Variants in NALF1 observed in about 807,000 individuals in gnomAD.
The protein encoded by NALF1 is family with sequence similarity 155 member A.
In NALF1, 3 loss-of-function variants were observed where a neutral mutation model predicts 48.4. That is an observed-to-expected ratio of 0.06 (90% CI 0.03 to 0.16). The LOEUF (loss-of-function observed/expected upper bound fraction) is 0.16. NALF1 is among the 10% of genes least tolerant of loss of function. The pLI is 1.00. For synonymous variants in NALF1, 262 were observed against 245.7 expected (o/e 1.07, Z -0.62); for missense variants, 526 against 571.5 (o/e 0.92, Z 0.81).
chr13:107,670,074 G>A (rs1880954515), intron 1 of NALF1, among the ~76,000 whole-genome samples: 1 of 152,052 alleles, frequency 6.6e-6, no homozygotes, highest in Non-Finnish European at 1.5e-5. Flanking sequence ...CTGTTGCAGT[G>A]ATATGTTTAT....
At chr13:107,635,630 C>G (rs1276832137) in intron 1 of NALF1, among the ~76,000 whole-genome samples, 2 of 152,156 alleles carry the variant, frequency 1.3e-5, no homozygotes, top group African/African-American at 2.4e-5. Flanking sequence ...CTTAGCCTTT[C>G]TAAACTTCAA....
chr13:107,506,628 T>C (rs1485037477), intron 1 of NALF1, among the ~76,000 whole-genome samples: 3 of 152,282 alleles, frequency 2.0e-5, no homozygotes, highest in South Asian at 4.1e-4. Context: ...ATGCATAACA[T>C]GACTAATTAT....
At chr13:107,571,213 A>AAAATTATGGTATG (rs1877977271) in intron 1 of NALF1, among the ~76,000 whole-genome samples, 1 of 151,984 alleles carries the variant, frequency 6.6e-6, no homozygotes, top group African/African-American at 2.4e-5. Context: ...ATTCATAATA[A>AAAATTATGGTATG]CTCCTTTTTG....
intron 1 of NALF1, among the ~76,000 whole-genome samples, chr13:107,628,050 G>C (rs963989025): frequency 1.3e-5 from 2 of 152,032 alleles, no homozygotes; most frequent in African/African-American, 4.8e-5. Flanking sequence ...AAATGGACAG[G>C]TGATCACACA....
At chr13:107,734,467 GA>G (rs113293486) in intron 1 of NALF1, among the ~76,000 whole-genome samples, 5,731 of 151,978 alleles carry the variant, frequency 0.038, 109 homozygotes, top group Non-Finnish European at 0.045. Flanking sequence ...GTTAGATGCA[GA>G]GTCATGAAAA....
rs1566511097 is a variant in NALF1, at chr13:107,865,838, C to T, written c.759G>A (p.Lys253=). 3 of 1,614,144 alleles carry T rather than the reference C, an allele frequency of 1.9e-6. No individual in the cohort carries two copies. The highest frequency in any genetic ancestry group is 2.5e-6 in the Non-Finnish European group (3 of 1,180,030). ...TLNCSLDVVL[K]EGGEMTTCRQ... ...TGCAAGTGGTCATCTCGCCGCCTTC[C>T]TTGAGCACCACATCCAGACTGCAGT... The change falls in exon 1 of 3, where the codon AAG becomes AAA. Residue 253 remains lysine (K), a synonymous_variant. Transcript: ENST00000375915.
intron 1 of NALF1, among the ~76,000 whole-genome samples, chr13:107,310,860 C>T (rs1300097245): frequency 2.6e-5 from 4 of 152,026 alleles, no homozygotes; most frequent in Non-Finnish European, 2.9e-5. Context: ...GGGGTTTCAC[C>T]ATGTTGGTCA....
intron 2 of NALF1, among the ~76,000 whole-genome samples, chr13:107,203,731 G>A (rs1255658216): frequency 6.6e-6 from 1 of 152,184 alleles, no homozygotes; most frequent in African/African-American, 2.4e-5. Context: ...AGGGCTGATT[G>A]AACTCCCGTC....
At chr13:107,840,035 T>C (rs1486582049) in intron 1 of NALF1, among the ~76,000 whole-genome samples, 2 of 152,172 alleles carry the variant, frequency 1.3e-5, no homozygotes, top group Non-Finnish European at 2.9e-5. Flanking sequence ...AAGATCTAAA[T>C]ATAAAAGAAA....
intron 1 of NALF1, among the ~76,000 whole-genome samples, chr13:107,713,555 A>G (rs1027136192): frequency 4.6e-5 from 7 of 152,208 alleles, no homozygotes; most frequent in South Asian, 2.1e-4. Flanking sequence ...TAAAGAGATT[A>G]TATCATCATC....
chr13:107,476,441 G>A (rs2139056917), intron 1 of NALF1, among the ~76,000 whole-genome samples: 1 of 152,088 alleles, frequency 6.6e-6, no homozygotes, highest in Non-Finnish European at 1.5e-5. Flanking sequence ...TAGATTAAGA[G>A]CTATTTTGGC....
At chr13:107,482,402 C>A (rs541769119) in intron 1 of NALF1, among the ~76,000 whole-genome samples, 1 of 152,206 alleles carries the variant, frequency 6.6e-6, no homozygotes, top group Non-Finnish European at 1.5e-5. Flanking sequence ...GACTAATACA[C>A]CCAGGGGCCT....
intron 1 of NALF1, among the ~76,000 whole-genome samples, chr13:107,606,280 A>ATATATG (rs1555312000): frequency 6.6e-4 from 100 of 151,296 alleles, no homozygotes; most frequent in African/African-American, 2.2e-3. Flanking sequence ...ATATATATAT[A>ATATATG]TGTGTGTGTT....
At chr13:107,416,082 C>G (rs748495786) in intron 1 of NALF1, among the ~76,000 whole-genome samples, 49 of 151,902 alleles carry the variant, frequency 3.2e-4, no homozygotes, top group South Asian at 1.7e-3. Flanking sequence ...TCTCTGCTCA[C>G]TGCAAGCTCC....
At chr13:107,441,719 A>C (rs1884562803) in intron 1 of NALF1, among the ~76,000 whole-genome samples, 1 of 152,164 alleles carries the variant, frequency 6.6e-6, no homozygotes, top group African/African-American at 2.4e-5. Context: ...TAGAGGGCAA[A>C]GGAATGGGGT....
At position 107,214,603 on chromosome 13, in the gene NALF1, G is replaced by A. The variant is rs138714410; in HGVS notation, c.916-3848C>T. On this transcript the variant is annotated intron_variant, in intron 1 of 2. Coordinates refer to ENST00000375915, the MANE Select transcript of NALF1 (RefSeq NM_001080396.3). ...CCCAAGAAGCAGCTTGATTTGTCAGGAAATTATGCTCTGAAAGGGTATTTC... is the reference window on the plus strand; with the variant it reads ...CCCAAGAAGCAGCTTGATTTGTCAGAAAATTATGCTCTGAAAGGGTATTTC... Among the ~76,000 whole-genome samples, 1,045 of 152,228 alleles carry A rather than the reference G, an allele frequency of 6.9e-3. 11 individuals are homozygous for A. The highest frequency in any genetic ancestry group is 0.024 in the African/African-American group (987 of 41,548).
chr13:107,430,815 A>C lies in NALF1; in HGVS notation c.916-220060T>G, dbSNP rs189799937. Among the ~76,000 whole-genome samples the C allele has an allele frequency of 5.9e-3, 900 of 152,288 alleles. 14 individuals are homozygous for C. The highest frequency in any genetic ancestry group is 0.02 in the African/African-American group (836 of 41,556). On this transcript the variant is annotated intron_variant, in intron 1 of 2. Coordinates refer to ENST00000375915, the MANE Select transcript of NALF1 (RefSeq NM_001080396.3). ...TTTATAGTCCTTTGGGTATATACCC[A>C]GTAATGGGATGGCTGGGTCAAATGG...
intron 1 of NALF1, among the ~76,000 whole-genome samples, chr13:107,387,194 T>C (rs117920581): frequency 0.013 from 2,054 of 152,304 alleles, 20 homozygotes; most frequent in Non-Finnish European, 0.019. Context: ...GGAAATTGAA[T>C]TACTTTTTGG....
intron 1 of NALF1, among the ~76,000 whole-genome samples, chr13:107,524,705 G>A (rs1339368714): frequency 6.6e-6 from 1 of 152,034 alleles, no homozygotes; most frequent in Non-Finnish European, 1.5e-5. Flanking sequence ...TAACTCAATA[G>A]GAAAACTTAG....
Sources: allele counts gnomAD v4.1 joint callset (sites outside exome capture counted in the v4.1 genomes callset), GRCh38; gene constraint gnomAD v4.1.1; transcripts MANE v1.5; gene names NCBI Gene and HGNC (gene_info 2026-07-23, HGNC 2026-07-21).